The following CDH13 variants were observed in gnomAD, a reference collection of about 807,000 sequenced individuals.
The protein encoded by CDH13 is cadherin 13.
CDH13 carries 24 observed loss-of-function variants against 63.8 expected under a neutral mutation model. The ratio of observed to expected loss-of-function variants is 0.38; its 90% CI spans 0.27 to 0.53. The LOEUF (loss-of-function observed/expected upper bound fraction) is 0.53, where lower values mean the gene tolerates loss of function less well. CDH13 is among the 20% of genes least tolerant of loss of function. The probability of loss-of-function intolerance (pLI) is 0.85; values close to 1 mark genes in which losing one functional copy is unlikely to be tolerated. For synonymous variants in CDH13, 503 were observed against 355.3 expected (o/e 1.42, Z -4.67); for missense variants, 1,049 against 903.1 (o/e 1.16, Z -2.07).
At chr16:83,268,611 G>T (rs1187135801) in intron 5 of CDH13, among the ~76,000 whole-genome samples, 1 of 152,162 alleles carries the variant, frequency 6.6e-6, no homozygotes, top group African/African-American at 2.4e-5. Flanking sequence ...GACAGCACAA[G>T]TGACATGAAG....
chr16:83,150,452 G>T (rs529488828), intron 4 of CDH13, among the ~76,000 whole-genome samples: 1 of 151,912 alleles, frequency 6.6e-6, no homozygotes, highest in African/African-American at 2.4e-5. Flanking sequence ...TTCTTATGCT[G>T]CTCCCCATAA....
At chr16:83,427,898 C>T (rs942183917) in intron 6 of CDH13, among the ~76,000 whole-genome samples, 6 of 152,176 alleles carry the variant, frequency 3.9e-5, no homozygotes, top group Admixed American at 6.5e-5. Flanking sequence ...TTCCTTGGAC[C>T]CAGGCAAAGG....
intron 4 of CDH13, among the ~76,000 whole-genome samples, chr16:83,213,900 A>T (rs1455512649): frequency 6.6e-6 from 1 of 152,100 alleles, no homozygotes; most frequent in Admixed American, 6.5e-5. Flanking sequence ...TGTAAAATGC[A>T]CCAATCAGTG....
intron 2 of CDH13, among the ~76,000 whole-genome samples, chr16:83,028,955 C>G (rs1473145871): frequency 2.6e-5 from 4 of 152,142 alleles, no homozygotes; most frequent in Non-Finnish European, 5.9e-5. Context: ...GGTTCAAATC[C>G]TGGCTCATCA....
intron 1 of CDH13, among the ~76,000 whole-genome samples, chr16:82,731,759 A>G (rs2064667457): frequency 6.6e-6 from 1 of 152,248 alleles, no homozygotes; most frequent in African/African-American, 2.4e-5. Flanking sequence ...TACAATATAG[A>G]AAATTGTGTG....
chr16:83,328,814 G>A (rs2090424185), intron 5 of CDH13, among the ~76,000 whole-genome samples: 3 of 152,038 alleles, frequency 2.0e-5, no homozygotes, highest in Admixed American at 2.0e-4. Context: ...CTCTCACAAA[G>A]ACAGTATCTT....
intron 5 of CDH13, among the ~76,000 whole-genome samples, chr16:83,234,754 A>C (rs997531254): frequency 3.3e-5 from 5 of 152,214 alleles, no homozygotes; most frequent in African/African-American, 1.2e-4. Context: ...TTAAAGGTAA[A>C]GATTGTTTTT....
chr16:83,730,083 G>C (rs1476559826), intron 10 of CDH13, among the ~76,000 whole-genome samples: 1 of 152,158 alleles, frequency 6.6e-6, no homozygotes, highest in Non-Finnish European at 1.5e-5. Flanking sequence ...GTCATGCTGT[G>C]TTCATCATGG....
chr16:82,961,356 G>A (rs1386800684), intron 2 of CDH13, among the ~76,000 whole-genome samples: 1 of 152,146 alleles, frequency 6.6e-6, no homozygotes, highest in Non-Finnish European at 1.5e-5. Context: ...TGGTTCTGGG[G>A]AAATGGAGAC....
intron 7 of CDH13, among the ~76,000 whole-genome samples, chr16:83,548,451 C>G (rs947011406): frequency 6.6e-6 from 1 of 152,140 alleles, no homozygotes; most frequent in African/African-American, 2.4e-5. Flanking sequence ...TTATCTGGCC[C>G]CAGTGTCCGT....
rs879475240 is a variant in CDH13 at position 83,582,417 on chromosome 16, G to T, written c.961-20037G>T. Among the ~76,000 whole-genome samples, 19 of 152,050 alleles carry T rather than the reference G, an allele frequency of 1.2e-4. 1 individual carries two copies. The highest frequency in any genetic ancestry group is 4.1e-4 in the African/African-American group (17 of 41,394). On this transcript the variant is annotated intron_variant, in intron 7 of 13. Coordinates refer to ENST00000567109, the MANE Select transcript of CDH13 (RefSeq NM_001257.5). ...GTTTGTTTTGAGGGGTCTTTTGTTTGTTGAGACACTGTGCCTTTCAAAATT... is the reference window on the plus strand; with the variant it reads ...GTTTGTTTTGAGGGGTCTTTTGTTTTTTGAGACACTGTGCCTTTCAAAATT...
At chr16:83,099,764 T>C (rs1017668396) in intron 3 of CDH13, among the ~76,000 whole-genome samples, 10 of 152,064 alleles carry the variant, frequency 6.6e-5, no homozygotes, top group Admixed American at 4.6e-4. Flanking sequence ...ATGAAGCTAA[T>C]AATAAAACCA....
At chr16:82,866,486 T>C (rs1285037794) in intron 2 of CDH13, among the ~76,000 whole-genome samples, 2 of 141,116 alleles carry the variant, frequency 1.4e-5, no homozygotes. Context: ...CCTCCCGGGT[T>C]CAAGCGATTC....
chr16:82,976,279 C>T (rs1909492319), intron 2 of CDH13, among the ~76,000 whole-genome samples: 1 of 152,158 alleles, frequency 6.6e-6, no homozygotes. Flanking sequence ...CTTCCTGGGC[C>T]TCTGAAGCCT....
At chr16:83,202,935 T>G (rs1487532423) in intron 4 of CDH13, among the ~76,000 whole-genome samples, 1 of 152,078 alleles carries the variant, frequency 6.6e-6, no homozygotes, top group African/African-American at 2.4e-5. Context: ...CTGAAAAACT[T>G]CCTTTTGGGG....
chr16:82,991,300 A>G (rs982856624), intron 2 of CDH13, among the ~76,000 whole-genome samples: 1 of 152,240 alleles, frequency 6.6e-6, no homozygotes, highest in African/African-American at 2.4e-5. Flanking sequence ...TTTACTGCTG[A>G]AAGGCAAATT....
intron 13 of CDH13, among the ~76,000 whole-genome samples, chr16:83,793,807 G>A (rs1313027103): frequency 9.1e-6 from 1 of 110,328 alleles, no homozygotes; most frequent in African/African-American, 3.5e-5. Context: ...GTGAGACTCT[G>A]TCTCTAAAAA....
intron 1 of CDH13, among the ~76,000 whole-genome samples, chr16:82,783,224 C>T (rs1222708262): frequency 6.6e-6 from 1 of 152,200 alleles, no homozygotes; most frequent in African/African-American, 2.4e-5. Context: ...CCTTCAGGGC[C>T]AAAGACCGCA....
intron 3 of CDH13, among the ~76,000 whole-genome samples, chr16:83,040,815 G>T (rs779838948): frequency 5.3e-5 from 8 of 152,172 alleles, no homozygotes; most frequent in Non-Finnish European, 1.0e-4. Context: ...CAACAAACTG[G>T]AGTTATTCAT....
Sources: allele counts gnomAD v4.1 joint callset (sites outside exome capture counted in the v4.1 genomes callset), GRCh38; gene constraint gnomAD v4.1.1; transcripts MANE v1.5; gene names NCBI Gene and HGNC (gene_info 2026-07-23, HGNC 2026-07-21).